ZNF83: variants seen among roughly 807,000 people sequenced by gnomAD.
ZNF83 encodes the protein zinc finger protein 83, also known as zinc finger protein 816B.
For synonymous variants in ZNF83, 209 were observed against 213.0 expected, an observed-to-expected ratio of 0.98 and a Z score of 0.17; for missense variants, 552 against 629.9, an observed-to-expected ratio of 0.88 and a Z score of 1.32.
chr19:52,649,444 A>G (rs896569359), intron 3 of ZNF83, among the ~76,000 whole-genome samples: 1 of 152,280 alleles, frequency 6.6e-6, no homozygotes, highest in East Asian at 1.9e-4. Flanking sequence ...GAGTTTGGGA[A>G]CGTAAATACC....
intron 2 of ZNF83, 72 bp from the exon 3 acceptor site, chr19:52,614,869 G>A: frequency 1.7e-6 from 2 of 1,173,704 alleles, no homozygotes; most frequent in Non-Finnish European, 2.2e-6. Flanking sequence ...ATTGAAATGT[G>A]TAATAGTACA....
chr19:52,646,725 T>C (rs1356490618), intron 3 of ZNF83, among the ~76,000 whole-genome samples: 1 of 152,168 alleles, frequency 6.6e-6, no homozygotes, highest in Non-Finnish European at 1.5e-5. Flanking sequence ...CAACTACACA[T>C]GGTTAAGAAA....
chr19:52,683,139 G>A (rs2061950483), intron 1 of ZNF83, among the ~76,000 whole-genome samples: 1 of 152,062 alleles, frequency 6.6e-6, no homozygotes, highest in African/African-American at 2.4e-5. Context: ...CAAAGTGCTG[G>A]CATTACAGGG....
rs373530478 is a variant in ZNF83 at position 52,614,037 on chromosome 19, T to G, written c.528A>C (p.Pro176=). 4.2e-5 allele frequency: 67 copies of G among 1,612,754 alleles called. No individual in the cohort carries two copies. The African/African-American group carries it at 8.0e-4, about 19-fold the overall frequency. The change falls in exon 3 of 3, where the codon CCA becomes CCC. Residue 176 remains proline (P), a synonymous_variant. Transcript: ENST00000301096. The stretch of plus-strand genomic sequence containing the variant: ...CCTTGCCACATTCATTACATTTATA[T>G]GGTTTCTCTCCAGTATGAATCCTGC...
At chr19:52,620,022 C>T (rs2060475981) in intron 2 of ZNF83, among the ~76,000 whole-genome samples, 1 of 152,134 alleles carries the variant, frequency 6.6e-6, no homozygotes, top group African/African-American at 2.4e-5. Flanking sequence ...GAGCTTCAGC[C>T]TGGGCAACAA....
chr19:52,678,470 AAG>A (rs1255738055), intron 1 of ZNF83, among the ~76,000 whole-genome samples: 8 of 151,552 alleles, frequency 5.3e-5, no homozygotes, highest in Non-Finnish European at 1.2e-4. Flanking sequence ...AAAAAGAAAA[AAG>A]AAAAAAAAAC....
At chr19:52,615,951 G>T (rs2060290281) in intron 2 of ZNF83, among the ~76,000 whole-genome samples, 1 of 152,158 alleles carries the variant, frequency 6.6e-6, no homozygotes, top group Admixed American at 6.5e-5. Context: ...CGATTCTCCT[G>T]CCTCAGCCTC....
chr19:52,629,141 A>G (rs2060855845), intron 2 of ZNF83, among the ~76,000 whole-genome samples: 1 of 152,114 alleles, frequency 6.6e-6, no homozygotes, highest in Non-Finnish European at 1.5e-5. Flanking sequence ...TTCTTCTGCA[A>G]TGCCGCTGGA....
intron 2 of ZNF83, among the ~76,000 whole-genome samples, chr19:52,658,964 G>C (rs754583223): frequency 1.6e-4 from 25 of 152,204 alleles, no homozygotes; most frequent in Non-Finnish European, 3.1e-4. Flanking sequence ...AATGCCTGGA[G>C]TGCGAGCTGC....
chr19:52,620,572 A>AAGGT (rs1488307569), intron 2 of ZNF83, among the ~76,000 whole-genome samples: 2 of 152,202 alleles, frequency 1.3e-5, no homozygotes, highest in African/African-American at 4.8e-5. Flanking sequence ...ATCAAAGAGG[A>AAGGT]AGGTAGCCAT....
intron 1 of ZNF83, among the ~76,000 whole-genome samples, chr19:52,677,285 A>G (rs1477332236): frequency 6.7e-6 from 1 of 149,936 alleles, no homozygotes; most frequent in Admixed American, 6.7e-5. Context: ...TTTGAATATT[A>G]AAGACAGACA....
chr19:52,645,432 A>T (rs2061359744), intron 3 of ZNF83, among the ~76,000 whole-genome samples: 1 of 152,324 alleles, frequency 6.6e-6, no homozygotes, highest in African/African-American at 2.4e-5. Context: ...GTACAGAAAA[A>T]AATGATGTGA....
intron 1 of ZNF83, among the ~76,000 whole-genome samples, chr19:52,671,383 T>C (rs544046178): frequency 6.6e-6 from 1 of 152,352 alleles, no homozygotes; most frequent in South Asian, 2.1e-4. Context: ...TATTGTAATA[T>C]TAAATTCACT....
In ZNF83 at chr19:52,667,224, GAAA is replaced by G. The variant is rs34235519; in HGVS notation, c.-282-6384_-282-6382del. Among the ~76,000 whole-genome samples, 459 of 86,216 alleles carry G rather than the reference GAAA, an allele frequency of 5.3e-3. 1 individual carries two copies. Among genetic ancestry groups the G allele is most frequent in the African/African-American group, 0.014 (408 of 29,490 alleles). The allele number at this position is 86,216 out of a possible 152,430, so 56.6% of individuals were successfully genotyped here. ...TTGGGAAAGAATGGTTATCATCTTT[GAAA>G]AAAAAAAAAAAAAAAAGGAGGAAGG... is the stretch of plus-strand genomic sequence containing the variant. On this transcript the variant is annotated intron_variant, in intron 1 of 5. Transcript: ENST00000594682.
chr19:52,623,701 C>T (rs2060631004), intron 2 of ZNF83, among the ~76,000 whole-genome samples: 1 of 152,206 alleles, frequency 6.6e-6, no homozygotes, highest in South Asian at 2.1e-4. Context: ...CCTAATCACC[C>T]TTACCCTGCT....
At chr19:52,680,552 ATT>A (rs2061889864) in intron 1 of ZNF83, among the ~76,000 whole-genome samples, 1 of 147,934 alleles carries the variant, frequency 6.8e-6, no homozygotes, top group Non-Finnish European at 1.5e-5. Context: ...ACGTTAAGGT[ATT>A]TTGGCACATT....
rs570381958 is a variant in ZNF83, at chr19:52,653,150, G to GA, written c.-74+2410_-74+2411insT. 103 of 1,480,610 alleles carry GA rather than the reference G, an allele frequency of 7.0e-5. No individual in the cohort carries two copies. In the African/African-American group the frequency reaches 1.3e-3, roughly 19 times the overall value. 91.7% of individuals were successfully genotyped at this position (1,480,610 alleles called of 1,614,324 possible). ...TTGCCACACTCATGACAGTTGTAAG[G>GA]TTTTTCTCCGGTATGAAGTCTACGA... On this transcript the variant is annotated intron_variant, in intron 3 of 5. Coordinates refer to the ZNF83 transcript ENST00000594682.
At chr19:52,689,409 A>G (rs1218684001) in intron 1 of ZNF83, among the ~76,000 whole-genome samples, 2 of 150,968 alleles carry the variant, frequency 1.3e-5, no homozygotes, top group East Asian at 3.9e-4. Context: ...ACTCTCTAGC[A>G]CTCCAGATCC....
chr19:52,676,375 G>A (rs1314326087), intron 1 of ZNF83, among the ~76,000 whole-genome samples: 3 of 152,192 alleles, frequency 2.0e-5, no homozygotes, highest in African/African-American at 7.2e-5. Flanking sequence ...CCAAAGTGCC[G>A]AGATTGCAGC....
Sources: gnomAD v4.1 joint callset for allele counts (sites outside exome capture counted in the v4.1 genomes callset) on GRCh38, gnomAD v4.1.1 for gene constraint, MANE v1.5 for transcripts, NCBI Gene and HGNC (gene_info 2026-07-23, HGNC 2026-07-21) for gene names.